The following COL4A5 variants were observed in gnomAD, a reference collection of about 807,000 sequenced individuals.
The protein encoded by COL4A5 is collagen type IV alpha 5 chain, also known as collagen alpha-5(IV) chain.
A neutral mutation model predicts 130.2 loss-of-function variants in COL4A5; 26 were observed. That is an observed-to-expected ratio of 0.20 (90% confidence interval 0.15 to 0.28). The LOEUF is 0.28. Among genes scored for constraint, COL4A5 ranks in the 10% least tolerant of loss-of-function variants. COL4A5 has a pLI of 1.00. For synonymous variants in COL4A5, 496 were observed against 439.6 expected (o/e 1.13, Z -1.60); for missense variants, 1,131 against 1,344.3 (o/e 0.84, Z 2.48).
intron 37 of COL4A5, among the ~76,000 whole-genome samples, chrX:108,663,567 T>C (rs1160860614): frequency 9.0e-6 from 1 of 110,616 alleles, no homozygotes; most frequent in Non-Finnish European, 1.9e-5. Context: ...ACACACACTG[T>C]GGCCTGTGGA....
At chrX:108,448,966 A>G (rs2064480250) in intron 1 of COL4A5, among the ~76,000 whole-genome samples, 1 of 112,047 alleles carries the variant, frequency 8.9e-6, no homozygotes, top group Non-Finnish European at 1.9e-5. Context: ...CCCACTAGAA[A>G]GAGAGTATGA....
intron 1 of COL4A5, among the ~76,000 whole-genome samples, chrX:108,483,925 G>A (rs1024219372): frequency 1.5e-4 from 17 of 112,179 alleles, no homozygotes; most frequent in African/African-American, 5.5e-4. Flanking sequence ...TTTGGGAAAT[G>A]TCTATTTAGA....
chrX:108,612,140 C>G (rs2066848013), intron 29 of COL4A5, among the ~76,000 whole-genome samples: 1 of 111,359 alleles, frequency 9.0e-6, no homozygotes, highest in Non-Finnish European at 1.9e-5. Flanking sequence ...TAAAAGGGAA[C>G]TTCCTTAGCA....
chrX:108,585,509 G>A (rs921910279), intron 18 of COL4A5, among the ~76,000 whole-genome samples: 2 of 111,217 alleles, frequency 1.8e-5, no homozygotes, highest in East Asian at 2.8e-4. Context: ...TAGCAGCCTA[G>A]TTTCCCTTTT....
At chrX:108,650,852 C>T (rs1277368187) in intron 36 of COL4A5, among the ~76,000 whole-genome samples, 1 of 109,413 alleles carries the variant, frequency 9.1e-6, no homozygotes. Context: ...GATGGGTGCA[C>T]CAAAATCTCA....
At chrX:108,641,850 GAACTTTGT>G (rs2067473272) in intron 36 of COL4A5, among the ~76,000 whole-genome samples, 1 of 111,898 alleles carries the variant, frequency 8.9e-6, no homozygotes, top group Non-Finnish European at 1.9e-5. Context: ...GCCTCCAGCT[GAACTTTGT>G]AACAATTTGA....
intron 17 of COL4A5, among the ~76,000 whole-genome samples, chrX:108,584,094 A>AG (rs1418379731): frequency 9.2e-6 from 1 of 108,931 alleles, no homozygotes; most frequent in African/African-American, 3.3e-5. Context: ...AAAAAAAAAA[A>AG]AGTAATTTTT....
chrX:108,626,913 T>C (rs2067163737), intron 36 of COL4A5: 4 of 757,571 alleles, frequency 5.3e-6, no homozygotes, highest in Non-Finnish European at 6.2e-6. Context: ...TTTAGTTCCA[T>C]GTCAAAAAGT....
chrX:108,441,165 T>C (rs929084679), intron 1 of COL4A5, among the ~76,000 whole-genome samples: 2 of 112,429 alleles, frequency 1.8e-5, no homozygotes, highest in Non-Finnish European at 3.8e-5. Context: ...TGAATGGCTT[T>C]GTGAGAGAAA....
intron 36 of COL4A5, among the ~76,000 whole-genome samples, chrX:108,631,289 A>T (rs760378629): frequency 2.7e-5 from 3 of 112,048 alleles, no homozygotes; most frequent in East Asian, 5.6e-4. Context: ...ATCCATGAGC[A>T]TGGAATGTTC....
intron 1 of COL4A5, among the ~76,000 whole-genome samples, chrX:108,473,631 A>ATTTTT (rs1406126217): frequency 4.2e-4 from 11 of 26,474 alleles, no homozygotes; most frequent in African/African-American, 1.4e-3. Flanking sequence ...ATATATATAT[A>ATTTTT]TATTTTTTTT....
intron 1 of COL4A5, among the ~76,000 whole-genome samples, chrX:108,526,642 TTCTTTCTTTCTTTCTTTCTTCTTTCTTTC>T (rs1299315478): frequency 7.3e-5 from 5 of 68,541 alleles, no homozygotes; most frequent in African/African-American, 3.4e-4. Context: ...CTTTCTTTCT[TTCTTTCTTTCTTTCTTTCTTCTTTCTTTC>T]TCTTTCTTTC....
chrX:108,645,826 C>T (rs929060072), intron 36 of COL4A5, among the ~76,000 whole-genome samples: 1 of 104,931 alleles, frequency 9.5e-6, no homozygotes, highest in African/African-American at 3.5e-5. Flanking sequence ...TGAGAACATG[C>T]GGTGTTTGGT....
intron 36 of COL4A5, among the ~76,000 whole-genome samples, chrX:108,629,587 T>C (rs1433606592): frequency 8.9e-6 from 1 of 111,744 alleles, no homozygotes; most frequent in South Asian, 3.8e-4. Flanking sequence ...AGTTGCTATA[T>C]GCTGAAATAC....
chrX:108,469,589 G>A (rs1018079251), intron 1 of COL4A5, among the ~76,000 whole-genome samples: 9 of 111,230 alleles, frequency 8.1e-5, no homozygotes, highest in African/African-American at 2.6e-4. Context: ...TCTTTTCAGA[G>A]CACTAACCTT....
intron 1 of COL4A5, among the ~76,000 whole-genome samples, chrX:108,441,417 T>A (rs2064397036): frequency 8.9e-6 from 1 of 112,191 alleles, no homozygotes; most frequent in Admixed American, 9.4e-5. Flanking sequence ...CCTATAGCAC[T>A]TAGCATGCCT....
At chrX:108,512,008 G>C (rs970585379) in intron 1 of COL4A5, among the ~76,000 whole-genome samples, 3 of 111,435 alleles carry the variant, frequency 2.7e-5, no homozygotes, top group African/African-American at 9.8e-5. Context: ...TGAATATACT[G>C]AAAACCATTG....
chrX:108,550,213 G>A (rs777614293), intron 2 of COL4A5, among the ~76,000 whole-genome samples: 2 of 111,144 alleles, frequency 1.8e-5, no homozygotes, highest in African/African-American at 3.3e-5. Context: ...ACCAAGCAAC[G>A]ACAAAATTAC....
intron 49 of COL4A5, chrX:108,690,155 T>C (rs532500439): frequency 6.0e-6 from 2 of 332,984 alleles, no homozygotes; most frequent in East Asian, 4.3e-4. Flanking sequence ...AAAATGTATA[T>C]AAATATTCTG....
Sources: allele counts gnomAD v4.1 joint callset (sites outside exome capture counted in the v4.1 genomes callset), GRCh38; gene constraint gnomAD v4.1.1; transcripts MANE v1.5; gene names NCBI Gene and HGNC (gene_info 2026-07-23, HGNC 2026-07-21).